Variants in PABPC4L observed in about 807,000 individuals in gnomAD.
PABPC4L encodes polyadenylate-binding protein 4-like.
For synonymous variants in PABPC4L, 169 were observed against 164.1 expected, an observed-to-expected ratio of 1.03 and a Z score of -0.23; for missense variants, 452 against 451.4, an observed-to-expected ratio of 1.00 and a Z score of -0.01.
the PABPC4L span, among the ~76,000 whole-genome samples, chr4:134,009,747 T>C: frequency 6.6e-6 from 1 of 152,028 alleles, no homozygotes; most frequent in East Asian, 1.9e-4. Context: ...CTGAAGGCTA[T>C]GTTGAATTGT....
chr4:134,177,466 G>T, the PABPC4L span, among the ~76,000 whole-genome samples: 19 of 152,084 alleles, frequency 1.2e-4, no homozygotes, highest in Non-Finnish European at 4.4e-5. Flanking sequence ...GAGCCACCGT[G>T]CCCAACCCAG....
chr4:133,960,945 G>C, the PABPC4L span, among the ~76,000 whole-genome samples: 2 of 152,006 alleles, frequency 1.3e-5, no homozygotes, highest in Non-Finnish European at 2.9e-5. Context: ...GACACACATA[G>C]CCGTGCCCTG....
At chr4:134,117,244 T>C in the PABPC4L span, among the ~76,000 whole-genome samples, 3 of 151,888 alleles carry the variant, frequency 2.0e-5, no homozygotes, top group Middle Eastern at 3.4e-3. Flanking sequence ...CTGCTGACCA[T>C]GGAGGAAGTA....
At position 134,200,744 on chromosome 4, in the gene PABPC4L, C is replaced by G. The variant is rs1237549711; in HGVS notation, c.276G>C (p.Leu92Phe). ...ATACGTTCCCAATTCCAGATCTCCTCAAGTAGGCATCGCGCTGAGACCACA... is the reference window on the plus strand; with the variant it reads ...ATACGTTCCCAATTCCAGATCTCCTGAAGTAGGCATCGCGCTGAGACCACA... ...RLMWSQRDAY[L>F]RRSGIGNVFI... The change falls in exon 2 of 2, where the codon TTG becomes TTC. Residue 92 changes from leucine to phenylalanine, a missense_variant. Coordinates refer to ENST00000421491, the MANE Select transcript of PABPC4L (RefSeq NM_001114734.2). 1.3e-6 allele frequency: 2 copies of G among 1,551,698 alleles called. No individual in the cohort carries two copies. Among genetic ancestry groups the G allele is most frequent in the Non-Finnish European group, 8.7e-7 (1 of 1,146,986 alleles).
At chr4:134,072,587 A>G in the PABPC4L span, among the ~76,000 whole-genome samples, 40 of 152,190 alleles carry the variant, frequency 2.6e-4, no homozygotes, top group Non-Finnish European at 5.3e-4. Context: ...TAAAGAATGT[A>G]TATGGTTCTC....
In PABPC4L at chr4:134,196,698, G is replaced by T. The variant is rs1208463960; in HGVS notation, c.*3209C>A. The T allele has an allele frequency of 6.6e-6, 1 of 151,428 alleles. No individual in the cohort carries two copies. Among genetic ancestry groups the T allele is most frequent in the South Asian group, 2.1e-4 (1 of 4,822 alleles). The allele number at this position is 151,428 out of a possible 1,614,324, so 9.4% of individuals were successfully genotyped here. The stretch of plus-strand genomic sequence containing the variant: ...AAAGATTTAATATTCTTTAATGAAT[G>T]AATCTCTATTTTCAACTAAGATAAC... On this transcript the variant is annotated 3_prime_UTR_variant, in exon 2 of 2. Transcript: ENST00000421491.
chr4:134,188,098 A>G, the PABPC4L span, among the ~76,000 whole-genome samples: 2 of 150,200 alleles, frequency 1.3e-5, no homozygotes, highest in Non-Finnish European at 3.0e-5. Flanking sequence ...TTAATTTTTC[A>G]TGTGTGTGTG....
the PABPC4L span, among the ~76,000 whole-genome samples, chr4:134,047,251 C>G: frequency 6.6e-6 from 1 of 152,122 alleles, no homozygotes; most frequent in East Asian, 1.9e-4. Context: ...CTACTAGAGT[C>G]CTTGGTTCAA....
the PABPC4L span, among the ~76,000 whole-genome samples, chr4:134,100,572 A>G: frequency 4.6e-5 from 7 of 151,598 alleles, no homozygotes; most frequent in African/African-American, 1.7e-4. Flanking sequence ...ACACGCACAT[A>G]TTCTGTTTTT....
the PABPC4L span, among the ~76,000 whole-genome samples, chr4:134,006,993 C>T: frequency 1.5e-4 from 23 of 151,690 alleles, no homozygotes; most frequent in East Asian, 3.9e-4. Flanking sequence ...CAGTTATAAA[C>T]GGATAAAGTT....
the PABPC4L span, among the ~76,000 whole-genome samples, chr4:134,046,010 C>T: frequency 1.3e-5 from 2 of 152,212 alleles, no homozygotes; most frequent in Admixed American, 6.6e-5. Context: ...CACCTCCACA[C>T]CTGTGAGTAT....
At chr4:134,142,408 C>T in the PABPC4L span, among the ~76,000 whole-genome samples, 1 of 151,532 alleles carries the variant, frequency 6.6e-6, no homozygotes. Flanking sequence ...TCCGTGGGAA[C>T]TCTGTGAAGA....
At chr4:134,041,923 A>T in the PABPC4L span, among the ~76,000 whole-genome samples, 2 of 152,110 alleles carry the variant, frequency 1.3e-5, no homozygotes, top group African/African-American at 4.8e-5. Flanking sequence ...CCCACTAATA[A>T]GTATCTACCC....
At chr4:134,108,157 A>C in the PABPC4L span, among the ~76,000 whole-genome samples, 1 of 151,850 alleles carries the variant, frequency 6.6e-6, no homozygotes, top group African/African-American at 2.4e-5. Context: ...ATACAGAAAA[A>C]GGTACATATG....
chr4:134,011,256 C>A, the PABPC4L span, among the ~76,000 whole-genome samples: 1 of 151,882 alleles, frequency 6.6e-6, no homozygotes, highest in African/African-American at 2.4e-5. Flanking sequence ...ATCAGCTTCC[C>A]AGAGACCTAA....
the PABPC4L span, among the ~76,000 whole-genome samples, chr4:134,014,820 G>T: frequency 6.6e-6 from 1 of 151,918 alleles, no homozygotes; most frequent in Non-Finnish European, 1.5e-5. Context: ...ACTGTTGTGG[G>T]TATTGACAGC....
the PABPC4L span, among the ~76,000 whole-genome samples, chr4:134,002,911 A>G: frequency 1.3e-5 from 2 of 151,880 alleles, no homozygotes; most frequent in Admixed American, 6.6e-5. Context: ...TGAATCATCT[A>G]TGGAACATGA....
At chr4:133,997,510 A>G in the PABPC4L span, among the ~76,000 whole-genome samples, 1 of 152,150 alleles carries the variant, frequency 6.6e-6, no homozygotes, top group Non-Finnish European at 1.5e-5. Flanking sequence ...AAAAAGAAAA[A>G]AAAACCTTTT....
chr4:133,982,618 C>T, the PABPC4L span, among the ~76,000 whole-genome samples: 2 of 151,892 alleles, frequency 1.3e-5, no homozygotes, highest in Non-Finnish European at 2.9e-5. Flanking sequence ...ATTTACTTTG[C>T]TGGTTATGAA....
Sources: gnomAD v4.1 joint callset for allele counts (sites outside exome capture counted in the v4.1 genomes callset) on GRCh38, gnomAD v4.1.1 for gene constraint, MANE v1.5 for transcripts, NCBI Gene and HGNC (gene_info 2026-07-23, HGNC 2026-07-21) for gene names.